Variants in PCBP3 observed in about 807,000 individuals in gnomAD.
PCBP3 encodes the protein poly(rC) binding protein 3, also known as poly(rC)-binding protein 3.
Under a neutral mutation model 52.7 loss-of-function variants are expected in PCBP3, and 25 were observed. The ratio of observed to expected loss-of-function variants is 0.47; its 90% CI spans 0.35 to 0.66. The LOEUF is 0.66. Among genes scored for constraint, PCBP3 ranks in the 30% least tolerant of loss-of-function variants. The pLI is 0.01. For synonymous variants in PCBP3, 162 were observed against 183.0 expected, an observed-to-expected ratio of 0.89 and a Z score of 0.93; for missense variants, 391 against 490.3, an observed-to-expected ratio of 0.80 and a Z score of 1.91.
At chr21:45,936,357 C>T (rs935440574) in intron 16 of PCBP3, among the ~76,000 whole-genome samples, 1 of 152,226 alleles carries the variant, frequency 6.6e-6, no homozygotes, top group Non-Finnish European at 1.5e-5. Context: ...CACTCTAGGC[C>T]TTCTTCTATC....
chr21:45,907,987 T>C (rs568485630), intron 9 of PCBP3, among the ~76,000 whole-genome samples: 1 of 152,332 alleles, frequency 6.6e-6, no homozygotes, highest in African/African-American at 2.4e-5. Flanking sequence ...AGTGAAACTA[T>C]TTTTAAATGA....
intron 2 of PCBP3, among the ~76,000 whole-genome samples, chr21:45,694,232 C>T (rs1241068633): frequency 6.6e-6 from 1 of 152,074 alleles, no homozygotes; most frequent in Non-Finnish European, 1.5e-5. Context: ...TTAAAATGAA[C>T]ATTTTAGAAA....
At chr21:45,774,669 A>G (rs764486426) in intron 4 of PCBP3, among the ~76,000 whole-genome samples, 1 of 152,052 alleles carries the variant, frequency 6.6e-6, no homozygotes, top group Non-Finnish European at 1.5e-5. Flanking sequence ...ATATGGCTTC[A>G]TTATTTTGAG....
intron 2 of PCBP3, among the ~76,000 whole-genome samples, chr21:45,688,396 T>C (rs1253186718): frequency 1.3e-5 from 2 of 152,218 alleles, no homozygotes; most frequent in Non-Finnish European, 2.9e-5. Context: ...ATTCTTCTTA[T>C]GATTTTTGCA....
intron 4 of PCBP3, among the ~76,000 whole-genome samples, chr21:45,819,200 G>A (rs1233914695): frequency 6.6e-6 from 1 of 152,140 alleles, no homozygotes; most frequent in East Asian, 1.9e-4. Flanking sequence ...TGTGACTCAT[G>A]TACTGCTCTG....
chr21:45,725,905 A>C (rs1467044687), intron 2 of PCBP3, among the ~76,000 whole-genome samples: 3 of 152,122 alleles, frequency 2.0e-5, no homozygotes, highest in Non-Finnish European at 2.9e-5. Context: ...AAGCCAGTGC[A>C]GGAGATGAGG....
chr21:45,901,501 CGAT>C, intron 9 of PCBP3: 1 of 267,556 alleles, frequency 3.7e-6, no homozygotes, highest in Non-Finnish European at 7.5e-6. Context: ...ACATGGCTCT[CGAT>C]GAAGCCCTGG....
intron 4 of PCBP3, among the ~76,000 whole-genome samples, chr21:45,845,473 A>ATGTG (rs1336924843): frequency 7.0e-6 from 1 of 141,848 alleles, no homozygotes; most frequent in East Asian, 2.1e-4. Flanking sequence ...TCACCTGTGT[A>ATGTG]TGTGTGTGTG....
In PCBP3 at chr21:45,837,126, G is replaced by A. The variant is rs1408405529; in HGVS notation, c.-125-12835G>A. ...GGACCATGTCAGTTTTTGTTTCAAAGCGCGGGTACCAATTCCCATCCCCCA... is the reference window on the plus strand; with the variant it reads ...GGACCATGTCAGTTTTTGTTTCAAAACGCGGGTACCAATTCCCATCCCCCA... On this transcript the variant is annotated intron_variant, in intron 4 of 17. Transcript: ENST00000681687. This position sits in a 1 kb window ranked among gnomAD's most constrained non-coding sequence, Gnocchi z 4.1. 2.6e-5 allele frequency among the ~76,000 whole-genome samples: 4 copies of A among 152,214 alleles called. No individual in the cohort carries two copies. The highest frequency in any genetic ancestry group is 5.9e-5 in the Non-Finnish European group (4 of 68,042).
At chr21:45,765,922 G>C (rs1032564885) in intron 4 of PCBP3, among the ~76,000 whole-genome samples, 1 of 152,210 alleles carries the variant, frequency 6.6e-6, no homozygotes, top group Admixed American at 6.5e-5. Context: ...GTATTCAAGT[G>C]GACGCCTTCA....
intron 4 of PCBP3, among the ~76,000 whole-genome samples, chr21:45,832,974 C>T (rs913724871): frequency 6.6e-6 from 1 of 152,122 alleles, no homozygotes; most frequent in Non-Finnish European, 1.5e-5. Context: ...GTGGAAACTG[C>T]CCCCATGATC....
chr21:45,801,727 A>G (rs2092311252), intron 4 of PCBP3, among the ~76,000 whole-genome samples: 1 of 152,236 alleles, frequency 6.6e-6, no homozygotes, highest in Non-Finnish European at 1.5e-5. Context: ...TTTGGAAGGA[A>G]TTCTGGGCAG....
At chr21:45,649,307 C>G (rs989823313) in intron 1 of PCBP3, among the ~76,000 whole-genome samples, 1 of 152,216 alleles carries the variant, frequency 6.6e-6, no homozygotes, top group African/African-American at 2.4e-5. Context: ...TACCTGCTTA[C>G]TGGGTCCCTC....
intron 4 of PCBP3, among the ~76,000 whole-genome samples, chr21:45,785,219 G>A (rs1316392269): frequency 2.0e-5 from 3 of 151,632 alleles, no homozygotes; most frequent in East Asian, 3.9e-4. Flanking sequence ...GAGCCCCTCC[G>A]CCCGGCAGCC....
chr21:45,915,107 A>T (rs759555209), intron 12 of PCBP3: 25 of 152,208 alleles, frequency 1.6e-4, no homozygotes, highest in Non-Finnish European at 2.9e-4. Context: ...TCGTCTCCAC[A>T]GCCTGGCACA....
rs934576441 is a variant in PCBP3, at chr21:45,866,972, G to A, written c.10+16877G>A. 2.0e-5 allele frequency among the ~76,000 whole-genome samples: 3 copies of A among 152,222 alleles called. No homozygotes were observed. The East Asian group carries it at 5.8e-4, about 29-fold the overall frequency. On this transcript the variant is annotated intron_variant, in intron 5 of 17. Transcript: ENST00000681687. ...AGTAATTAACACAGGCAGGACTGGA[G>A]GCTTTGTTTTGTTTTGCTTAAAAAA...
Position 45,942,171 on chromosome 21 carries a change from C to T in PCBP3, c.*465C>T, listed in dbSNP as rs543067602. ...CCCCTCAGAGCCATTGTTGTCTGGG[C>T]TCGAGTTTCTGCCCCAGGTTGTGTG... On this transcript the variant is annotated 3_prime_UTR_variant, in exon 18 of 18. Coordinates refer to ENST00000681687, the MANE Select transcript of PCBP3 (RefSeq NM_001384156.1). 1.2e-4 allele frequency: 18 copies of T among 154,576 alleles called. No individual in the cohort carries two copies. The South Asian group carries it at 3.5e-3, about 30-fold the overall frequency. The allele number at this position is 154,576 out of a possible 1,614,324, so 9.6% of individuals were successfully genotyped here.
intron 5 of PCBP3, among the ~76,000 whole-genome samples, chr21:45,870,247 C>T (rs745475075): frequency 6.6e-6 from 1 of 151,774 alleles, no homozygotes; most frequent in African/African-American, 2.4e-5. Flanking sequence ...GTTGCTTTAG[C>T]TTATATCTTT....
intron 2 of PCBP3, among the ~76,000 whole-genome samples, chr21:45,677,445 T>G (rs2081538919): frequency 1.3e-5 from 2 of 152,190 alleles, no homozygotes; most frequent in South Asian, 4.1e-4. Flanking sequence ...AGTAAAGAAG[T>G]CTCCGTAACA....
Sources: allele counts gnomAD v4.1 joint callset (sites outside exome capture counted in the v4.1 genomes callset), GRCh38; gene constraint gnomAD v4.1.1; non-coding constraint Gnocchi (gnomAD v3.1); transcripts MANE v1.5; gene names NCBI Gene and HGNC (gene_info 2026-07-23, HGNC 2026-07-21).